The following CHSY1 variants were observed in gnomAD, a reference collection of about 807,000 sequenced individuals.
CHSY1 encodes the protein chondroitin sulfate synthase 1.
A neutral mutation model predicts 59.8 loss-of-function variants in CHSY1; 13 were observed. The observed-to-expected ratio is 0.22, with a 90% CI of 0.14 to 0.35. The LOEUF (loss-of-function observed/expected upper bound fraction) is 0.35, where lower values mean the gene tolerates loss of function less well. CHSY1 is among the 10% of genes least tolerant of loss of function. The pLI is 1.00. For synonymous variants in CHSY1, 459 were observed against 401.2 expected (o/e 1.14, Z -1.72); for missense variants, 947 against 1,030.6 (o/e 0.92, Z 1.11).
In CHSY1 at chr15:101,251,213, G is replaced by A. The variant is rs2039107056; in HGVS notation, c.244C>T (p.Arg82Cys). The A allele has an allele frequency of 1.3e-6, 2 of 1,594,332 alleles. No homozygotes were observed. Among genetic ancestry groups the A allele is most frequent in the Non-Finnish European group, 1.7e-6 (2 of 1,174,550 alleles). Reference protein sequence around the residue: ...PPGSDPDGGPRDRNFLFVGVM... With the variant: ...PPGSDPDGGPCDRNFLFVGVM... ...CCCACGAAGAGAAAGTTCCTGTCGC[G>A]CGGGCCGCCATCTGGGTCCGAGCCG... Residue 82 changes from arginine (R) to cysteine (C), a missense_variant, in exon 1 of 3, where the codon CGC becomes TGC. This residue lies in a region of CHSY1 where 232 missense variants were observed against 188.5 expected (regional missense o/e 1.23). Coordinates refer to ENST00000254190, the MANE Select transcript of CHSY1 (RefSeq NM_014918.5).
chr15:101,215,330 C>T lies in CHSY1; in HGVS notation c.816+19752G>A, dbSNP rs374013532. On this transcript the variant is annotated intron_variant, in intron 2 of 2. Coordinates refer to ENST00000254190, the MANE Select transcript of CHSY1 (RefSeq NM_014918.5). ...CAGTATGAGCCTACATCATCAGATA[C>T]AGCAAACTTAAGTTTTCAAGGCCAT... Among the ~76,000 whole-genome samples, 4 of 152,164 alleles carry T rather than the reference C, an allele frequency of 2.6e-5. No individual in the cohort carries two copies. In the East Asian group the frequency reaches 5.8e-4, roughly 22 times the overall value.
chr15:101,211,257 G>C (rs1386827842), intron 2 of CHSY1, among the ~76,000 whole-genome samples: 1 of 152,220 alleles, frequency 6.6e-6, no homozygotes, highest in Non-Finnish European at 1.5e-5. Flanking sequence ...CTGGGAGATG[G>C]AGGTTGCAGT....
intron 2 of CHSY1, among the ~76,000 whole-genome samples, chr15:101,222,945 C>T (rs2038805049): frequency 6.6e-6 from 1 of 152,190 alleles, no homozygotes; most frequent in South Asian, 2.1e-4. Context: ...GGAAGATTAT[C>T]AAAGACTTTA....
At chr15:101,230,482 C>T (rs978801464) in intron 2 of CHSY1, among the ~76,000 whole-genome samples, 20 of 152,094 alleles carry the variant, frequency 1.3e-4, no homozygotes, top group African/African-American at 4.8e-4. Context: ...TGATTTGATC[C>T]TTATACAACA....
chr15:101,235,502 T>C lies in CHSY1; in HGVS notation c.396A>G (p.Pro132=). ...CGTCCACACCCCGTAGTGGCACTAC[T>C]GGAATTGGTACAGATGTGTCAGAAC... is the stretch of plus-strand genomic sequence containing the variant. ...SEGSDTSVPI[P]VVPLRGVDDS... Residue 132 remains proline (P), a synonymous_variant, in exon 2 of 3, where the codon CCA becomes CCG. Transcript: ENST00000254190. 6.2e-7 allele frequency: 1 copy of C among 1,613,752 alleles called. No homozygotes were observed. Among genetic ancestry groups the C allele is most frequent in the Non-Finnish European group, 8.5e-7 (1 of 1,179,690 alleles).
chr15:101,194,142 C>T (rs759499097), intron 2 of CHSY1, among the ~76,000 whole-genome samples: 5 of 152,212 alleles, frequency 3.3e-5, no homozygotes, highest in African/African-American at 4.8e-5. Flanking sequence ...AGCTACGGAG[C>T]GCCTTCGGCA....
intron 2 of CHSY1, among the ~76,000 whole-genome samples, chr15:101,199,484 C>T (rs993236347): frequency 1.4e-4 from 22 of 152,186 alleles, no homozygotes; most frequent in Non-Finnish European, 1.5e-5. Flanking sequence ...GCCTGGGCGG[C>T]AGGGTGAGAC....
chr15:101,194,932 C>G (rs779485204), intron 2 of CHSY1, among the ~76,000 whole-genome samples: 5 of 152,116 alleles, frequency 3.3e-5, no homozygotes, highest in Non-Finnish European at 7.4e-5. Flanking sequence ...AGGTTTTGAA[C>G]AGATTCCACA....
At chr15:101,188,222 G>A (rs753522130) in intron 2 of CHSY1, 35 of 983,852 alleles carry the variant, frequency 3.6e-5, no homozygotes, top group Middle Eastern at 1.0e-3. Context: ...CTTTTGTCCT[G>A]AAAAGTGGTT....
rs77154379 is a variant in CHSY1 at position 101,235,959 on chromosome 15, T to G, written c.321-382A>C. Among the ~76,000 whole-genome samples, 671 of 152,286 alleles carry G rather than the reference T, an allele frequency of 4.4e-3. 4 individuals carry two copies. Among genetic ancestry groups the G allele is most frequent in the African/African-American group, 0.015 (603 of 41,546 alleles). On this transcript the variant is annotated intron_variant, in intron 1 of 2. Transcript: ENST00000254190. Reference sequence around the variant, plus strand: ...AATCAAATGGTTCACTCAAAAAATTTTCTTTGAACCAAGTGCCAAGTATGT... The same window carrying G: ...AATCAAATGGTTCACTCAAAAAATTGTCTTTGAACCAAGTGCCAAGTATGT...
At chr15:101,220,820 C>T (rs2038781073) in intron 2 of CHSY1, among the ~76,000 whole-genome samples, 3 of 152,214 alleles carry the variant, frequency 2.0e-5, no homozygotes, top group South Asian at 2.1e-4. Flanking sequence ...TCAGGGCCTC[C>T]GCATGCCCAT....
chr15:101,190,946 G>C (rs2038436204), intron 2 of CHSY1, among the ~76,000 whole-genome samples: 1 of 136,116 alleles, frequency 7.3e-6, no homozygotes, highest in Admixed American at 8.2e-5. Flanking sequence ...CATGGAACAA[G>C]AGGGACTCTC....
chr15:101,215,086 G>A (rs1056159642), intron 2 of CHSY1, among the ~76,000 whole-genome samples: 3 of 152,150 alleles, frequency 2.0e-5, no homozygotes, highest in African/African-American at 7.2e-5. Flanking sequence ...TAAGTTTCCT[G>A]AGTCTTCACC....
intron 1 of CHSY1, among the ~76,000 whole-genome samples, chr15:101,237,153 G>A (rs1488238549): frequency 1.3e-5 from 2 of 149,666 alleles, no homozygotes; most frequent in South Asian, 2.1e-4. Flanking sequence ...GAACCCGGGA[G>A]GCAGAGGTTG....
intron 1 of CHSY1, among the ~76,000 whole-genome samples, chr15:101,238,364 T>C (rs2038968135): frequency 1.3e-5 from 2 of 152,236 alleles, no homozygotes; most frequent in African/African-American, 4.8e-5. Flanking sequence ...CTTTTATTTC[T>C]CTTCCAAACC....
At chr15:101,195,308 G>A (rs2038492956) in intron 2 of CHSY1, among the ~76,000 whole-genome samples, 1 of 152,012 alleles carries the variant, frequency 6.6e-6, no homozygotes, top group Non-Finnish European at 1.5e-5. Context: ...TCATATTTTG[G>A]ATCATCTTAT....
At chr15:101,199,460 G>A (rs1379698706) in intron 2 of CHSY1, among the ~76,000 whole-genome samples, 2 of 152,200 alleles carry the variant, frequency 1.3e-5, no homozygotes, top group Admixed American at 6.5e-5. Flanking sequence ...CCGAGATTGT[G>A]CTACTGCACT....
chr15:101,183,729 G>A (rs1458158180), intron 2 of CHSY1, among the ~76,000 whole-genome samples: 2 of 152,214 alleles, frequency 1.3e-5, no homozygotes, highest in East Asian at 3.8e-4. Context: ...ACGGGGGAGG[G>A]TGTGGGTGCC....
intron 2 of CHSY1, among the ~76,000 whole-genome samples, chr15:101,225,054 C>CTGCTCTAA (rs1156907048): frequency 6.6e-6 from 1 of 152,236 alleles, no homozygotes; most frequent in Admixed American, 6.5e-5. Flanking sequence ...CTCATCCTGC[C>CTGCTCTAA]TGCTCTAATT....
Sources: gnomAD v4.1 joint callset for allele counts (sites outside exome capture counted in the v4.1 genomes callset) on GRCh38, gnomAD v4.1.1 for gene constraint, gnomAD v4.1.1 regional missense constraint, MANE v1.5 for transcripts, NCBI Gene and HGNC (gene_info 2026-07-23, HGNC 2026-07-21) for gene names.